Variants in TMEM106B observed in about 807,000 individuals in gnomAD.
The protein encoded by TMEM106B is transmembrane protein 106B.
A neutral mutation model predicts 31.1 loss-of-function variants in TMEM106B; 15 were observed. The observed-to-expected ratio is 0.48, with a 90% CI of 0.32 to 0.74. TMEM106B has a LOEUF of 0.74. Ranked by LOEUF, TMEM106B falls within the 30% of genes least tolerant of loss-of-function variation. The pLI is 0.03. For synonymous variants in TMEM106B, 126 were observed against 112.5 expected (o/e 1.12, Z -0.76); for missense variants, 283 against 327.3 (o/e 0.86, Z 1.04).
intron 4 of TMEM106B, among the ~76,000 whole-genome samples, chr7:12,226,599 G>C (rs1460164532): frequency 6.6e-6 from 1 of 152,050 alleles, no homozygotes; most frequent in African/African-American, 2.4e-5. Context: ...TTGAGGTAGA[G>C]ATGTCTGTGG....
chr7:12,239,564 T>G lies in TMEM106B; in HGVS notation c.*7589T>G, dbSNP rs1232032641. 6.6e-6 allele frequency: 1 copy of G among 152,174 alleles called. No homozygotes were observed. The highest frequency in any genetic ancestry group is 1.5e-5 in the Non-Finnish European group (1 of 68,010). The allele number at this position is 152,174 out of a possible 1,614,324, so 9.4% of individuals were successfully genotyped here. A position where few individuals can be genotyped will look rare whatever the true frequency, so the allele number is the denominator to read the frequency against. ...TTGTCCTTGGTGAGAAATGCTTGAT[T>G]ACTAGGTGTAATTATTTCTAGCTTT... On this transcript the variant is annotated 3_prime_UTR_variant, in exon 8 of 8. Coordinates refer to ENST00000396668, the MANE Select transcript of TMEM106B (RefSeq NM_001134232.2).
intron 5 of TMEM106B, 117 bp downstream of exon 5, chr7:12,229,936 G>C: frequency 8.5e-7 from 1 of 1,180,226 alleles, no homozygotes; most frequent in Non-Finnish European, 1.2e-6. Context: ...ATGTGTCTCT[G>C]CTGGGTACAG....
chr7:12,221,087 A>ATGTGTGTGTGTGTGT (rs1554308776), intron 3 of TMEM106B, among the ~76,000 whole-genome samples: 1 of 149,952 alleles, frequency 6.7e-6, no homozygotes, highest in Non-Finnish European at 1.5e-5. Flanking sequence ...AAGCAAGTAA[A>ATGTGTGTGTGTGTGT]GTGTGTGTGT....
Position 12,241,566 on chromosome 7 carries a change from G to C in TMEM106B, c.*9591G>C, listed in dbSNP as rs1285307797. 6.6e-6 allele frequency: 1 copy of C among 152,122 alleles called. No homozygotes were observed. Among genetic ancestry groups the C allele is most frequent in the African/African-American group, 2.4e-5 (1 of 41,398 alleles). The allele number at this position is 152,122 out of a possible 1,614,324, so 9.4% of individuals were successfully genotyped here. A position where few individuals can be genotyped will look rare whatever the true frequency, so the allele number is the denominator to read the frequency against. On this transcript the variant is annotated 3_prime_UTR_variant, in exon 8 of 8. Transcript: ENST00000396668. ...GGTTTCCAGCTTCATCCATATCCCT[G>C]AAAAGGACATGAACTCATCCTTTTT...
rs1782095022 is a variant in TMEM106B, at chr7:12,234,703, C to A, written c.*2728C>A. 1 of 151,902 alleles carries A rather than the reference C, an allele frequency of 6.6e-6. No homozygotes were observed. The highest frequency in any genetic ancestry group is 2.1e-4 in the South Asian group (1 of 4,836). 9.4% of individuals were successfully genotyped at this position (151,902 alleles called of 1,614,324 possible). A position where few individuals can be genotyped will look rare whatever the true frequency, so the allele number is the denominator to read the frequency against. On this transcript the variant is annotated 3_prime_UTR_variant, in exon 8 of 8. Transcript: ENST00000396668. ...ATTTTTCTGATACTTCCTGGAATAA[C>A]TTTAAGTTACACCCTAGTAGACTGG...
At chr7:12,222,829 T>C (rs1446037804) in intron 3 of TMEM106B, among the ~76,000 whole-genome samples, 2 of 152,238 alleles carry the variant, frequency 1.3e-5, no homozygotes, top group African/African-American at 2.4e-5. Flanking sequence ...GTTCTTAACT[T>C]GGGCAACTTA....
intron 2 of TMEM106B, among the ~76,000 whole-genome samples, chr7:12,216,530 C>T (rs772677440): frequency 7.2e-5 from 11 of 152,170 alleles, no homozygotes; most frequent in Middle Eastern, 3.4e-3. Context: ...TCAATTGCAG[C>T]GCCCAGCCTC....
In TMEM106B at chr7:12,242,459, T is replaced by C. The variant is rs1308941741; in HGVS notation, c.*10484T>C. 6.6e-6 allele frequency: 1 copy of C among 152,036 alleles called. No individual in the cohort carries two copies. Among genetic ancestry groups the C allele is most frequent in the Admixed American group, 6.5e-5 (1 of 15,276 alleles). The allele number at this position is 152,036 out of a possible 1,614,324, so 9.4% of individuals were successfully genotyped here. ...CAAGTTTTCTGCCTTGTTGATAACT[T>C]GTTAACATTTTTTTATTTTAGAATA... is the stretch of plus-strand genomic sequence containing the variant. On this transcript the variant is annotated 3_prime_UTR_variant, in exon 8 of 8. Coordinates refer to ENST00000396668, the MANE Select transcript of TMEM106B (RefSeq NM_001134232.2).
At position 12,235,284 on chromosome 7, in the gene TMEM106B, G is replaced by T. The variant is rs958325957; in HGVS notation, c.*3309G>T. 4.6e-5 allele frequency: 7 copies of T among 152,168 alleles called. No individual in the cohort carries two copies. Among genetic ancestry groups the T allele is most frequent in the African/African-American group, 1.7e-4 (7 of 41,356 alleles). 9.4% of individuals were successfully genotyped at this position (152,168 alleles called of 1,614,324 possible). On this transcript the variant is annotated 3_prime_UTR_variant, in exon 8 of 8. Transcript: ENST00000396668. ...AAATAATAGAGATTAATTTATTTGA[G>T]ATTTGAAATAAGAATAGTATGAAAA...
In TMEM106B at chr7:12,237,446, C is replaced by T. The variant is rs890081538; in HGVS notation, c.*5471C>T. ...AGTACTCAAGCTTTATCCATTCTACCTCTGTAATGTCTCTGGAATTTATCT... is the reference window on the plus strand; with the variant it reads ...AGTACTCAAGCTTTATCCATTCTACTTCTGTAATGTCTCTGGAATTTATCT... On this transcript the variant is annotated 3_prime_UTR_variant, in exon 8 of 8. Transcript: ENST00000396668. 4 of 151,934 alleles carry T rather than the reference C, an allele frequency of 2.6e-5. No individual in the cohort carries two copies. Among genetic ancestry groups the T allele is most frequent in the African/African-American group, 9.7e-5 (4 of 41,348 alleles). 9.4% of individuals were successfully genotyped at this position (151,934 alleles called of 1,614,324 possible). A position where few individuals can be genotyped will look rare whatever the true frequency, so the allele number is the denominator to read the frequency against.
intron 2 of TMEM106B, among the ~76,000 whole-genome samples, chr7:12,217,829 T>C (rs1365334739): frequency 6.6e-6 from 1 of 152,122 alleles, no homozygotes; most frequent in Admixed American, 6.6e-5. Flanking sequence ...CTAATAAGAT[T>C]ATAAAATTGG....
rs140821799 is a variant in TMEM106B at position 12,223,058 on chromosome 7, A to G, written c.282-1168A>G. Among the ~76,000 whole-genome samples, 147 of 152,314 alleles carry G rather than the reference A, an allele frequency of 9.7e-4. 1 individual carries two copies. Among genetic ancestry groups the G allele is most frequent in the African/African-American group, 3.3e-3 (137 of 41,574 alleles). The stretch of plus-strand genomic sequence containing the variant: ...AAAAAAAGGATGTTGTGGGCATCCA[A>G]TAGAGGACTTGTATGTTAGAGAGAA... On this transcript the variant is annotated intron_variant, in intron 3 of 7. Coordinates refer to ENST00000396668, the MANE Select transcript of TMEM106B (RefSeq NM_001134232.2).
chr7:12,237,806 AAT>A lies in TMEM106B; in HGVS notation c.*5837_*5838del, dbSNP rs746818437. The A allele has an allele frequency of 0.12, 12,278 of 103,466 alleles. 603 individuals carry two copies. Among genetic ancestry groups the A allele is most frequent in the Admixed American group, 0.18 (1,741 of 9,514 alleles). The allele number at this position is 103,466 out of a possible 1,614,324, so 6.4% of individuals were successfully genotyped here. On this transcript the variant is annotated 3_prime_UTR_variant, in exon 8 of 8. Transcript: ENST00000396668. The stretch of plus-strand genomic sequence containing the variant: ...GTCAACATGGCGAGACCCCATATAA[AAT>A]ATATACATACACACACACACACACA...
At position 12,242,301 on chromosome 7, in the gene TMEM106B, A is replaced by T. The variant is rs1273122060; in HGVS notation, c.*10326A>T. The T allele has an allele frequency of 2.1e-5, 1 of 48,226 alleles. No individual in the cohort carries two copies. The highest frequency in any genetic ancestry group is 3.5e-5 in the Non-Finnish European group (1 of 28,960). The allele number at this position is 48,226 out of a possible 1,614,324, so 3.0% of individuals were successfully genotyped here. A position where few individuals can be genotyped will look rare whatever the true frequency, so the allele number is the denominator to read the frequency against. ...GGCAGGAGAATGGCGTGAACCCGGGAAGCGGGGCTTGCAGCGAGCCGAGAT... is the reference window on the plus strand; with the variant it reads ...GGCAGGAGAATGGCGTGAACCCGGGTAGCGGGGCTTGCAGCGAGCCGAGAT... On this transcript the variant is annotated 3_prime_UTR_variant, in exon 8 of 8. Transcript: ENST00000396668.
At position 12,235,853 on chromosome 7, in the gene TMEM106B, T is replaced by A. The variant is rs940092803; in HGVS notation, c.*3878T>A. 4 of 151,848 alleles carry A rather than the reference T, an allele frequency of 2.6e-5. No homozygotes were observed. The highest frequency in any genetic ancestry group is 9.7e-5 in the African/African-American group (4 of 41,408). The allele number at this position is 151,848 out of a possible 1,614,324, so 9.4% of individuals were successfully genotyped here. On this transcript the variant is annotated 3_prime_UTR_variant, in exon 8 of 8. Transcript: ENST00000396668. ...AGTTACTAGGGTTATAAGCAAAAGG[T>A]TGCTTACCATAATGTCATTAGGTCA...
intron 3 of TMEM106B, among the ~76,000 whole-genome samples, chr7:12,220,065 C>G (rs1781758563): frequency 6.6e-6 from 1 of 152,118 alleles, no homozygotes; most frequent in East Asian, 1.9e-4. Context: ...GTTAGAAAAT[C>G]AGATTGACAT....
At position 12,235,495 on chromosome 7, in the gene TMEM106B, A is replaced by G. The variant is rs923591744; in HGVS notation, c.*3520A>G. 9 of 151,860 alleles carry G rather than the reference A, an allele frequency of 5.9e-5. No individual in the cohort carries two copies. Among genetic ancestry groups the G allele is most frequent in the Non-Finnish European group, 1.5e-5 (1 of 67,804 alleles). 9.4% of individuals were successfully genotyped at this position (151,860 alleles called of 1,614,324 possible). ...TCAGATTGTCTGATTTACAGTTTGG[A>G]AAGGACACCGCAATGTTCAAATAGG... On this transcript the variant is annotated 3_prime_UTR_variant, in exon 8 of 8. Transcript: ENST00000396668.
chr7:12,212,298 C>G (rs544590285), intron 1 of TMEM106B, among the ~76,000 whole-genome samples: 4 of 152,194 alleles, frequency 2.6e-5, no homozygotes, highest in African/African-American at 9.6e-5. Flanking sequence ...CCCTTAAGGC[C>G]TTGCTGATAA....
rs56761518 is a variant in TMEM106B at position 12,212,493 on chromosome 7, G to GTT, written c.-3+1079_-3+1080dup. Among the ~76,000 whole-genome samples, 553 of 148,698 alleles carry GTT rather than the reference G, an allele frequency of 3.7e-3. 3 individuals are homozygous for GTT. The highest frequency in any genetic ancestry group is 0.013 in the South Asian group (61 of 4,722). ...GGGCAGTGATTTTTATAAATACATAGTTTTTTTTTTTTGAAAGAGTGAAAA... is the reference window on the plus strand; with the variant it reads ...GGGCAGTGATTTTTATAAATACATAGTTTTTTTTTTTTTTGAAAGAGTGAAAA... On this transcript the variant is annotated intron_variant, in intron 1 of 7. Transcript: ENST00000396668.
Sources: allele counts gnomAD v4.1 joint callset (sites outside exome capture counted in the v4.1 genomes callset), GRCh38; gene constraint gnomAD v4.1.1; transcripts MANE v1.5; gene names NCBI Gene and HGNC (gene_info 2026-07-23, HGNC 2026-07-21).